The following PCCA variants were observed in gnomAD, a reference collection of about 807,000 sequenced individuals.
The protein encoded by PCCA is propionyl-CoA carboxylase alpha chain, mitochondrial.
In PCCA, 74 loss-of-function variants were observed where a neutral mutation model predicts 101.3. The observed-to-expected ratio is 0.73, with a 90% confidence interval of 0.61 to 0.89. PCCA has a LOEUF of 0.89. PCCA is among the 40% of genes least tolerant of loss of function. The probability of loss-of-function intolerance (pLI) is 0.00; values close to 1 mark genes in which losing one functional copy is unlikely to be tolerated. For synonymous variants in PCCA, 294 were observed against 313.6 expected, an observed-to-expected ratio of 0.94 and a Z score of 0.66; for missense variants, 891 against 907.0, an observed-to-expected ratio of 0.98 and a Z score of 0.23.
At chr13:100,089,694 C>T (rs2046103001) in intron 1 of PCCA, among the ~76,000 whole-genome samples, 1 of 152,320 alleles carries the variant, frequency 6.6e-6, no homozygotes, top group African/African-American at 2.4e-5. Context: ...TTTGTCTTAT[C>T]TTTTAAAGTA....
intron 4 of PCCA, among the ~76,000 whole-genome samples, chr13:100,135,899 A>G (rs1427481879): frequency 1.3e-5 from 2 of 152,038 alleles, no homozygotes; most frequent in South Asian, 2.1e-4. Flanking sequence ...AATTGATATG[A>G]TCATGTGGGG....
At chr13:100,305,225 A>C (rs1468450945) in intron 14 of PCCA, among the ~76,000 whole-genome samples, 1 of 152,130 alleles carries the variant, frequency 6.6e-6, no homozygotes, top group Non-Finnish European at 1.5e-5. Context: ...ATATATCTTG[A>C]TTTTATCGTA....
At chr13:100,468,040 CA>C (rs1283803095) in intron 21 of PCCA, among the ~76,000 whole-genome samples, 1 of 152,192 alleles carries the variant, frequency 6.6e-6, no homozygotes, top group East Asian at 1.9e-4. Context: ...TTAGCAGGCA[CA>C]AAAACCACAT....
intron 7 of PCCA, among the ~76,000 whole-genome samples, chr13:100,221,465 T>C (rs2059803892): frequency 6.6e-6 from 1 of 152,230 alleles, no homozygotes; most frequent in African/African-American, 2.4e-5. Context: ...TTTGGTTATC[T>C]TCTTAGGAGG....
At chr13:100,391,297 C>A (rs1432710548) in intron 19 of PCCA, among the ~76,000 whole-genome samples, 3 of 152,076 alleles carry the variant, frequency 2.0e-5, no homozygotes, top group African/African-American at 7.2e-5. Flanking sequence ...TATGAAAGGA[C>A]AAAGGAGCGG....
At chr13:100,251,798 A>G (rs1415186865) in intron 8 of PCCA, among the ~76,000 whole-genome samples, 4 of 152,262 alleles carry the variant, frequency 2.6e-5, no homozygotes, top group African/African-American at 9.6e-5. Context: ...GAACTCGAGG[A>G]TACAATATCA....
chr13:100,479,244 A>T (rs1022134811), intron 21 of PCCA, among the ~76,000 whole-genome samples: 1 of 152,354 alleles, frequency 6.6e-6, no homozygotes, highest in East Asian at 1.9e-4. Context: ...AGGGATGCCT[A>T]ATCTTGTAAT....
chr13:100,280,150 G>A (rs1412861902), intron 12 of PCCA, among the ~76,000 whole-genome samples: 15 of 151,662 alleles, frequency 9.9e-5, no homozygotes, highest in Non-Finnish European at 2.1e-4. Context: ...ATTAATAGTT[G>A]GTTCCGTTGA....
intron 4 of PCCA, among the ~76,000 whole-genome samples, chr13:100,117,371 A>G (rs1325902226): frequency 6.6e-6 from 1 of 151,954 alleles, no homozygotes; most frequent in Non-Finnish European, 1.5e-5. Context: ...AGATTCAGCA[A>G]TTGTTAACAT....
At position 100,378,501 on chromosome 13, in the gene PCCA, T is replaced by C. The variant is rs954294812; in HGVS notation, c.1746+9927T>C. On this transcript the variant is annotated intron_variant, in intron 19 of 23. Transcript: ENST00000376285. The stretch of plus-strand genomic sequence containing the variant: ...ACTAGACTTGGGGAGTTTTCAGTTA[T>C]TATGTCCTTAAATAGAGTTTCAAAT... Among the ~76,000 whole-genome samples, 5 of 152,280 alleles carry C rather than the reference T, an allele frequency of 3.3e-5. No individual in the cohort carries two copies. In the South Asian group the frequency reaches 1.0e-3, roughly 32 times the overall value.
At chr13:100,146,360 G>A (rs9557396) in intron 4 of PCCA, among the ~76,000 whole-genome samples, 79,132 of 151,398 alleles carry the variant, frequency 0.52, 21,659 homozygotes, top group East Asian at 0.76. Flanking sequence ...ACGGATCACG[G>A]GGTCAGGAGT....
chr13:100,500,469 C>T (rs1160248651), intron 21 of PCCA, among the ~76,000 whole-genome samples: 1 of 152,190 alleles, frequency 6.6e-6, no homozygotes, highest in Non-Finnish European at 1.5e-5. Context: ...GACTTGTTAG[C>T]TTCCCCATAG....
intron 12 of PCCA, among the ~76,000 whole-genome samples, chr13:100,276,756 T>G (rs1444208836): frequency 2.6e-5 from 4 of 152,202 alleles, no homozygotes. Context: ...AAAGTATGAT[T>G]CATTGGTTTT....
At chr13:100,364,954 C>G (rs1453282793) in intron 18 of PCCA, among the ~76,000 whole-genome samples, 3 of 152,084 alleles carry the variant, frequency 2.0e-5, no homozygotes. Flanking sequence ...GAGGCTGATG[C>G]AGAAGGATCA....
chr13:100,171,337 C>G (rs1365218311), intron 6 of PCCA, among the ~76,000 whole-genome samples: 2 of 152,008 alleles, frequency 1.3e-5, no homozygotes, highest in East Asian at 3.9e-4. Flanking sequence ...AACTGTAAAG[C>G]CCAGAAAATT....
At chr13:100,386,170 T>G (rs2076488883) in intron 19 of PCCA, among the ~76,000 whole-genome samples, 6 of 152,220 alleles carry the variant, frequency 3.9e-5, no homozygotes. Context: ...ATTTCATTTG[T>G]CCTAAAACAT....
chr13:100,110,493 G>T (rs2048210392), intron 2 of PCCA, among the ~76,000 whole-genome samples: 1 of 152,164 alleles, frequency 6.6e-6, no homozygotes, highest in African/African-American at 2.4e-5. Context: ...CTTGGGTTTA[G>T]GTCTCTAGAT....
intron 12 of PCCA, among the ~76,000 whole-genome samples, chr13:100,288,037 A>G (rs935242631): frequency 3.9e-5 from 6 of 152,194 alleles, no homozygotes; most frequent in African/African-American, 7.2e-5. Flanking sequence ...GTTTTATTCA[A>G]TTCCTCTATA....
chr13:100,217,791 G>GT (rs2059601278), intron 7 of PCCA, among the ~76,000 whole-genome samples: 1 of 138,746 alleles, frequency 7.2e-6, no homozygotes, highest in Non-Finnish European at 1.5e-5. Context: ...GGGGGCGGAG[G>GT]TTTTTTGTGT....
Sources: gnomAD v4.1 joint callset for allele counts (sites outside exome capture counted in the v4.1 genomes callset) on GRCh38, gnomAD v4.1.1 for gene constraint, MANE v1.5 for transcripts, NCBI Gene and HGNC (gene_info 2026-07-23, HGNC 2026-07-21) for gene names.